The following ROS1 variants were observed in gnomAD, a reference collection of about 807,000 sequenced individuals.
ROS1 encodes the protein proto-oncogene tyrosine-protein kinase ROS.
A neutral mutation model predicts 273.5 loss-of-function variants in ROS1; 263 were observed. That is an observed-to-expected ratio of 0.96 (90% CI 0.87 to 1.06). The LOEUF is 1.06. Ranked by LOEUF, ROS1 falls within the 50% of genes least tolerant of loss-of-function variation. The pLI is 0.00. For missense variants in ROS1, 2,833 were observed against 2,751.1 expected (o/e 1.03, Z -0.67); for synonymous variants, 1,008 against 954.1 (o/e 1.06, Z -1.04).
intron 18 of ROS1, among the ~76,000 whole-genome samples, chr6:117,369,633 A>G (rs1456061423): frequency 6.6e-6 from 1 of 152,116 alleles, no homozygotes; most frequent in South Asian, 2.1e-4. Flanking sequence ...AGAATGGACT[A>G]TGATCCTTCA....
rs117914148 is a variant in ROS1, at chr6:117,314,862, G to A, written c.6117+2281C>T. On this transcript the variant is annotated intron_variant, in intron 39 of 43. Transcript: ENST00000368507. ...GGGTCCCACCTAACACCAAAAGGAA[G>A]CTTCCTTGGACACATAGGTTCCCAT... 8.5e-3 allele frequency among the ~76,000 whole-genome samples: 1,294 copies of A among 152,234 alleles called. 9 individuals carry two copies. Among genetic ancestry groups the A allele is most frequent in the Non-Finnish European group, 0.011 (742 of 68,020 alleles).
chr6:117,390,115 T>G (rs1158049207), intron 12 of ROS1, among the ~76,000 whole-genome samples: 1 of 152,142 alleles, frequency 6.6e-6, no homozygotes, highest in Non-Finnish European at 1.5e-5. Flanking sequence ...ATCAAAAAAT[T>G]CAAAAACAGG....
At chr6:117,349,514 A>G (rs2128632714) in intron 27 of ROS1, among the ~76,000 whole-genome samples, 1 of 152,014 alleles carries the variant, frequency 6.6e-6, no homozygotes, top group South Asian at 2.1e-4. Flanking sequence ...TTGTTGATCC[A>G]CTCAAACAAC....
At chr6:117,334,825 TA>T (rs1477957203) in intron 32 of ROS1, among the ~76,000 whole-genome samples, 2 of 152,158 alleles carry the variant, frequency 1.3e-5, no homozygotes, top group African/African-American at 4.8e-5. Context: ...TCCTTAACCT[TA>T]TACAAAATTT....
chr6:117,344,937 G>T (rs899851658), intron 27 of ROS1, among the ~76,000 whole-genome samples: 1 of 152,176 alleles, frequency 6.6e-6, no homozygotes, highest in Non-Finnish European at 1.5e-5. Context: ...AAAAATCGCA[G>T]ATCTGTCACT....
At chr6:117,306,387 A>T (rs1489881949) in intron 42 of ROS1, among the ~76,000 whole-genome samples, 1 of 152,150 alleles carries the variant, frequency 6.6e-6, no homozygotes, top group Non-Finnish European at 1.5e-5. Context: ...CCACTGTGAT[A>T]TATCTGTTAT....
chr6:117,317,968 T>A (rs1776034191), intron 38 of ROS1, among the ~76,000 whole-genome samples: 1 of 152,126 alleles, frequency 6.6e-6, no homozygotes, highest in African/African-American at 2.4e-5. Context: ...TTATTGAAGA[T>A]AAAAGAAAGG....
rs2128521294 is a variant in ROS1 at position 117,288,759 on chromosome 6, C to A, written c.6759G>T (p.Met2253Ile). 6.2e-7 allele frequency: 1 copy of A among 1,611,604 alleles called. No homozygotes were observed. The highest frequency in any genetic ancestry group is 8.5e-7 in the Non-Finnish European group (1 of 1,178,930). The change falls in exon 44 of 44, where the codon ATG becomes ATT. Residue 2253 changes from methionine (M) to isoleucine (I), a missense_variant. Transcript: ENST00000368507. ...DVICLNSDDI[M>I]PVALMETKNR... ...TCTTCGTTTCCATTAAAGCAACTGG[C>A]ATAATGTCATCTGAATTCAAACAAA...
In ROS1 at chr6:117,416,257, C is replaced by T; in HGVS notation, c.228+1G>A. 1.2e-5 allele frequency: 18 copies of T among 1,549,562 alleles called. No individual in the cohort carries two copies. Among genetic ancestry groups the T allele is most frequent in the Non-Finnish European group, 1.6e-5 (18 of 1,121,446 alleles). The stretch of plus-strand genomic sequence containing the variant: ...AAAATAGAAATCTAATTAATACTTA[C>T]ACACTTTAAAGCACAGTTTTTCTGA... On this transcript the variant is annotated splice_donor_variant, in intron 3 of 43. Coordinates refer to ENST00000368507, the MANE Select transcript of ROS1 (RefSeq NM_001378902.1). LOFTEE classifies it high-confidence loss of function.
chr6:117,342,570 C>G, intron 28 of ROS1, 26 bp from the exon 29 acceptor site: 1 of 1,363,706 alleles, frequency 7.3e-7, no homozygotes, highest in Non-Finnish European at 1.0e-6. Context: ...TAAAAATCAA[C>G]ATCTTATTTT....
At chr6:117,424,625 A>C (rs1348122046) in intron 1 of ROS1, among the ~76,000 whole-genome samples, 1 of 152,142 alleles carries the variant, frequency 6.6e-6, no homozygotes. Flanking sequence ...TATATAAAAT[A>C]CTAAACTTTT....
At chr6:117,423,984 G>A (rs555193952) in intron 1 of ROS1, among the ~76,000 whole-genome samples, 1 of 152,166 alleles carries the variant, frequency 6.6e-6, no homozygotes, top group African/African-American at 2.4e-5. Flanking sequence ...GCCATTCTCT[G>A]TAGGTGGTGA....
chr6:117,367,586 T>C (rs137928855), intron 18 of ROS1, among the ~76,000 whole-genome samples: 5 of 152,332 alleles, frequency 3.3e-5, no homozygotes, highest in Non-Finnish European at 5.9e-5. Flanking sequence ...ACTATTCTCA[T>C]TTCTGAATGA....
intron 27 of ROS1, among the ~76,000 whole-genome samples, chr6:117,347,207 C>CT (rs1778450319): frequency 1.3e-5 from 2 of 152,094 alleles, no homozygotes; most frequent in African/African-American, 4.8e-5. Context: ...CATGGAATAT[C>CT]TCTATACTTA....
intron 32 of ROS1, among the ~76,000 whole-genome samples, chr6:117,330,146 G>C (rs563915215): frequency 5.9e-5 from 9 of 152,350 alleles, no homozygotes; most frequent in Admixed American, 3.9e-4. Flanking sequence ...GAGCCAGCGA[G>C]GCTGGACAGC....
chr6:117,371,010 T>A (rs1780718288), intron 18 of ROS1, among the ~76,000 whole-genome samples: 1 of 152,190 alleles, frequency 6.6e-6, no homozygotes, highest in South Asian at 2.1e-4. Context: ...ACATCCTGTA[T>A]GTTGTTTACA....
At chr6:117,367,379 A>G (rs1036587341) in intron 18 of ROS1, among the ~76,000 whole-genome samples, 1 of 152,238 alleles carries the variant, frequency 6.6e-6, no homozygotes, top group Non-Finnish European at 1.5e-5. Context: ...TGTGGTAGCC[A>G]TGAGGACTCC....
At chr6:117,352,131 A>T (rs1396341477) in intron 27 of ROS1, among the ~76,000 whole-genome samples, 1 of 152,118 alleles carries the variant, frequency 6.6e-6, no homozygotes, top group Non-Finnish European at 1.5e-5. Flanking sequence ...CCCAGGCTGG[A>T]GAGCAGTGGC....
At chr6:117,317,751 C>T (rs1272920228) in intron 38 of ROS1, among the ~76,000 whole-genome samples, 1 of 152,076 alleles carries the variant, frequency 6.6e-6, no homozygotes, top group Admixed American at 6.6e-5. Context: ...CTCAAGTCTT[C>T]CCATTAAGAT....
Sources: allele counts gnomAD v4.1 joint callset (sites outside exome capture counted in the v4.1 genomes callset), GRCh38; gene constraint gnomAD v4.1.1; transcripts MANE v1.5; gene names NCBI Gene and HGNC (gene_info 2026-07-23, HGNC 2026-07-21).